The following ARID5B variants were observed in gnomAD, a reference collection of about 807,000 sequenced individuals.
ARID5B encodes the protein AT-rich interaction domain 5B.
ARID5B carries 13 observed loss-of-function variants against 97.2 expected under a neutral mutation model. The ratio of observed to expected loss-of-function variants is 0.13; its 90% CI spans 0.09 to 0.21. The LOEUF is 0.21. Among genes scored for constraint, ARID5B ranks in the 10% least tolerant of loss-of-function variants. The pLI, the probability that ARID5B is intolerant of heterozygous loss-of-function variation, is 1.00. For missense variants in ARID5B, 1,210 were observed against 1,465.3 expected (o/e 0.83, Z 2.84); for synonymous variants, 556 against 570.3 (o/e 0.97, Z 0.36).
chr10:62,060,316 G>T (rs541638268), intron 7 of ARID5B, among the ~76,000 whole-genome samples: 13 of 152,228 alleles, frequency 8.5e-5, no homozygotes, highest in African/African-American at 3.1e-4. Context: ...AGCATTATGT[G>T]GTTCAGATAA....
rs561812647 is a variant in ARID5B at position 61,905,990 on chromosome 10, T to G, written c.276+3577T>G. On this transcript the variant is annotated intron_variant, in intron 2 of 9. Coordinates refer to ENST00000279873, the MANE Select transcript of ARID5B (RefSeq NM_032199.3). ...GGAAAAGCATTCAAGAAAGTCACATTTTGATTCTGCAGCTTGCTATTTGCT... is the reference window on the plus strand; with the variant it reads ...GGAAAAGCATTCAAGAAAGTCACATGTTGATTCTGCAGCTTGCTATTTGCT... 5.9e-5 allele frequency among the ~76,000 whole-genome samples: 9 copies of G among 152,290 alleles called. 1 individual carries two copies. Among genetic ancestry groups the G allele is most frequent in the African/African-American group, 2.2e-4 (9 of 41,564 alleles).
rs547542325 is a variant in ARID5B, at chr10:61,937,169, T to TG, written c.277-3013dup. The stretch of plus-strand genomic sequence containing the variant: ...TAAGGGAAAACTGGACTGAATACAA[T>TG]GCAATAGGGAGTGGTGGGGATTTTA... On this transcript the variant is annotated intron_variant, in intron 2 of 9. Transcript: ENST00000279873. Among the ~76,000 whole-genome samples, 374 of 152,310 alleles carry TG rather than the reference T, an allele frequency of 2.5e-3. 2 individuals carry two copies. Among genetic ancestry groups the TG allele is most frequent in the Non-Finnish European group, 3.7e-3 (255 of 68,026 alleles).
At chr10:62,028,828 G>A (rs1467795278) in intron 4 of ARID5B, among the ~76,000 whole-genome samples, 2 of 151,992 alleles carry the variant, frequency 1.3e-5, no homozygotes, top group Non-Finnish European at 2.9e-5. Flanking sequence ...GTGCATGGTG[G>A]CGCATGCCTG....
In ARID5B at chr10:62,091,502, C is replaced by T. The variant is rs757997426; in HGVS notation, c.2039C>T (p.Ser680Phe). 6.2e-7 allele frequency: 1 copy of T among 1,613,658 alleles called. No homozygotes were observed. Among genetic ancestry groups the T allele is most frequent in the Non-Finnish European group, 8.5e-7 (1 of 1,179,850 alleles). The part of the protein sequence containing the change: ...HGLNYTPLLY[S>F]RGNPGIMSPL... The stretch of plus-strand genomic sequence containing the variant: ...CTTAATTACACGCCCCTGCTCTACT[C>T]TAGGGGCAACCCAGGCATCATGTCC... Residue 680 changes from serine (S) to phenylalanine (F), a missense_variant, in exon 10 of 10, where the codon TCT becomes TTT. Physicochemically the swap from Ser to Phe is radical, Grantham distance 155. Coordinates refer to ENST00000279873, the MANE Select transcript of ARID5B (RefSeq NM_032199.3).
At chr10:62,012,354 CA>C (rs1839228832) in intron 4 of ARID5B, among the ~76,000 whole-genome samples, 1 of 151,992 alleles carries the variant, frequency 6.6e-6, no homozygotes, top group Non-Finnish European at 1.5e-5. Context: ...CTCTACAAAA[CA>C]AAACAAAACA....
At chr10:62,059,207 C>T (rs1417619947) in intron 6 of ARID5B, 36 bp from the exon 7 acceptor site, 2 of 1,518,442 alleles carry the variant, frequency 1.3e-6, no homozygotes, top group Admixed American at 1.8e-5. Flanking sequence ...TATGTTAATG[C>T]AATGCTTATC....
chr10:62,071,030 C>CTTTTTT (rs565983973), intron 8 of ARID5B, among the ~76,000 whole-genome samples: 2 of 71,158 alleles, frequency 2.8e-5, no homozygotes, highest in African/African-American at 5.3e-5. Context: ...TCATTCAGAA[C>CTTTTTT]TTTTTTTTTT....
At chr10:61,923,369 C>T (rs745505567) in intron 2 of ARID5B, among the ~76,000 whole-genome samples, 4 of 152,184 alleles carry the variant, frequency 2.6e-5, no homozygotes, top group African/African-American at 7.2e-5. Flanking sequence ...TGCCTCTTCT[C>T]GTCCTTTTGC....
chr10:62,026,524 A>G (rs1227294121), intron 4 of ARID5B, among the ~76,000 whole-genome samples: 1 of 152,246 alleles, frequency 6.6e-6, no homozygotes. Flanking sequence ...ATAGAGCTAA[A>G]TGAATCCTTC....
At chr10:62,083,123 C>T (rs1014033610) in intron 8 of ARID5B, among the ~76,000 whole-genome samples, 1 of 151,876 alleles carries the variant, frequency 6.6e-6, no homozygotes, top group South Asian at 2.1e-4. Context: ...ACAAGTAGGG[C>T]TTGTGTTTGG....
intron 4 of ARID5B, among the ~76,000 whole-genome samples, chr10:62,026,989 C>G (rs902454802): frequency 1.3e-5 from 2 of 152,186 alleles, no homozygotes; most frequent in Non-Finnish European, 2.9e-5. Flanking sequence ...ATATTTTGAG[C>G]CTTTTCCACC....
chr10:61,957,507 G>A (rs1190310389), intron 3 of ARID5B, among the ~76,000 whole-genome samples: 1 of 152,188 alleles, frequency 6.6e-6, no homozygotes, highest in Admixed American at 6.5e-5. Flanking sequence ...GGCCTCAGGT[G>A]ATCCACCTGC....
intron 2 of ARID5B, among the ~76,000 whole-genome samples, chr10:61,937,080 G>A (rs1287544700): frequency 2.0e-5 from 3 of 152,164 alleles, no homozygotes; most frequent in Admixed American, 6.5e-5. Context: ...TCAGTAAAAT[G>A]AGAAAGGTGA....
At chr10:61,931,365 A>G (rs964620121) in intron 2 of ARID5B, among the ~76,000 whole-genome samples, 1 of 152,246 alleles carries the variant, frequency 6.6e-6, no homozygotes, top group Admixed American at 6.5e-5. Context: ...GTGAAAACAG[A>G]TCATATTTCT....
intron 2 of ARID5B, among the ~76,000 whole-genome samples, chr10:61,923,437 G>A (rs948909173): frequency 2.6e-5 from 4 of 152,140 alleles, no homozygotes; most frequent in South Asian, 2.1e-4. Context: ...ATGACTATCC[G>A]CTCTAGAGGA....
chr10:61,922,320 G>A (rs1421059093), intron 2 of ARID5B, among the ~76,000 whole-genome samples: 2 of 151,646 alleles, frequency 1.3e-5, no homozygotes, highest in African/African-American at 4.8e-5. Flanking sequence ...AGGCATGTTT[G>A]GGCCGGGCAT....
At chr10:61,939,165 A>C (rs551244264) in intron 2 of ARID5B, among the ~76,000 whole-genome samples, 4 of 152,102 alleles carry the variant, frequency 2.6e-5, no homozygotes, top group Admixed American at 1.3e-4. Flanking sequence ...AGATTTTGTA[A>C]TCTTAGGGGT....
At position 61,908,801 on chromosome 10, in the gene ARID5B, A is replaced by C. The variant is rs1321026161; in HGVS notation, c.276+6388A>C. 4.4e-5 allele frequency among the ~76,000 whole-genome samples: 6 copies of C among 137,464 alleles called. No individual in the cohort carries two copies. In the South Asian group the frequency reaches 1.3e-3, roughly 30 times the overall value. The allele number at this position is 137,464 out of a possible 152,430, so 90.2% of individuals were successfully genotyped here. A position where few individuals can be genotyped will look rare whatever the true frequency, so the allele number is the denominator to read the frequency against. The stretch of plus-strand genomic sequence containing the variant: ...GGCAACAGAGCAAGACTCCATCTCA[A>C]AAAAAAAAAAAAAAAAAAAAAGAAG... On this transcript the variant is annotated intron_variant, in intron 2 of 9. Coordinates refer to ENST00000279873, the MANE Select transcript of ARID5B (RefSeq NM_032199.3).
In ARID5B at chr10:62,091,476, A is replaced by G; in HGVS notation, c.2013A>G (p.Gly671=). The part of the protein sequence containing the change: ...DLTGPMNENH[G]LNYTPLLYSR... ...CTGGGCCCATGAACGAGAACCATGG[A>G]CTTAATTACACGCCCCTGCTCTACT... The change falls in exon 10 of 10, where the codon GGA becomes GGG. Residue 671 remains glycine (G), a synonymous_variant. Coordinates refer to ENST00000279873, the MANE Select transcript of ARID5B (RefSeq NM_032199.3). 1.2e-6 allele frequency: 2 copies of G among 1,612,530 alleles called. No homozygotes were observed. Among genetic ancestry groups the G allele is most frequent in the Non-Finnish European group, 1.7e-6 (2 of 1,179,266 alleles).
Sources: gnomAD v4.1 joint callset for allele counts (sites outside exome capture counted in the v4.1 genomes callset) on GRCh38, gnomAD v4.1.1 for gene constraint, MANE v1.5 for transcripts, NCBI Gene and HGNC (gene_info 2026-07-23, HGNC 2026-07-21) for gene names.